Variants in STIMATE observed in about 807,000 individuals in gnomAD.
STIMATE encodes the protein STIM activating enhancer.
A neutral mutation model predicts 36.7 loss-of-function variants in STIMATE; 15 were observed. The observed-to-expected ratio is 0.41, with a 90% CI of 0.27 to 0.63. The LOEUF (loss-of-function observed/expected upper bound fraction) is 0.63, where lower values mean the gene tolerates loss of function less well. Ranked by LOEUF, STIMATE falls within the 20% of genes least tolerant of loss-of-function variation. STIMATE has a pLI of 0.32. For missense variants in STIMATE, 305 were observed against 397.3 expected (o/e 0.77, Z 1.98); for synonymous variants, 163 against 162.3 (o/e 1.00, Z -0.03).
At chr3:52,889,178 C>T (rs1051518093) in intron 1 of STIMATE, among the ~76,000 whole-genome samples, 7 of 152,160 alleles carry the variant, frequency 4.6e-5, no homozygotes, top group African/African-American at 9.7e-5. Context: ...AAGGCGACTT[C>T]GATGCATGAC....
intron 1 of STIMATE, among the ~76,000 whole-genome samples, chr3:52,895,725 T>C (rs73839529): frequency 0.028 from 4,320 of 152,228 alleles, 228 homozygotes; most frequent in African/African-American, 0.099. Context: ...AGCCGGGCCA[T>C]CAGCATCAAT....
At chr3:52,889,092 C>A (rs1009552905) in intron 1 of STIMATE, among the ~76,000 whole-genome samples, 1 of 152,130 alleles carries the variant, frequency 6.6e-6, no homozygotes, top group Non-Finnish European at 1.5e-5. Context: ...GCACACTAAA[C>A]AAGATGCGGC....
chr3:52,871,078 G>A (rs1047069415), intron 1 of STIMATE, among the ~76,000 whole-genome samples: 1 of 152,072 alleles, frequency 6.6e-6, no homozygotes, highest in African/African-American at 2.4e-5. Context: ...TGCATTAGGA[G>A]GCAATTCAAT....
In STIMATE at chr3:52,859,775, C is replaced by T. The variant is rs377115442; in HGVS notation, c.161-4331G>A. The stretch of plus-strand genomic sequence containing the variant: ...CACATTGCTTTTATTTCAGAATTTA[C>T]GAAAGAAAAGACAAACCTATCTCAG... On this transcript the variant is annotated intron_variant, in intron 1 of 7. Transcript: ENST00000355083. Among the ~76,000 whole-genome samples, 52 of 151,590 alleles carry T rather than the reference C, an allele frequency of 3.4e-4. No individual in the cohort carries two copies. In the South Asian group the frequency reaches 9.6e-3, roughly 28 times the overall value.
chr3:52,849,892 C>T lies in STIMATE; in HGVS notation c.327G>A (p.Leu109=), dbSNP rs892165303. Residue 109 remains leucine, a synonymous_variant, in exon 4 of 8, where the codon CTG becomes CTA. Transcript: ENST00000355083. ...PCSLYLINFL[L]DATVGMLLIY... ...TGAGCAGCATGCCCACAGTGGCGTCCAGGAGGAAGTTGATGAGGTACCTGT... is the reference window on the plus strand; with the variant it reads ...TGAGCAGCATGCCCACAGTGGCGTCTAGGAGGAAGTTGATGAGGTACCTGT... 6.2e-7 allele frequency: 1 copy of T among 1,613,562 alleles called. No individual in the cohort carries two copies. Among genetic ancestry groups the T allele is most frequent in the African/African-American group, 1.3e-5 (1 of 74,922 alleles).
In STIMATE at chr3:52,840,556, G is replaced by A. The variant is rs375691230; in HGVS notation, c.823C>T (p.Arg275Cys). The A allele has an allele frequency of 9.3e-6, 15 of 1,613,974 alleles. No individual in the cohort carries two copies. The Admixed American group carries it at 1.2e-4, about 13-fold the overall frequency. The change falls in exon 8 of 8, where the codon CGC (arginine) becomes TGC (cysteine). Residue 275 changes from arginine (R) to cysteine (C), a missense_variant. This residue lies in a region of STIMATE where 84 missense variants were observed against 82.4 expected (regional missense o/e 1.02). Coordinates refer to ENST00000355083, the MANE Select transcript of STIMATE (RefSeq NM_198563.5). ...MEESDVEEDL[R>C]RLTPLKPVKK... Reference sequence around the variant, plus strand: ...ACAGGCTTGAGGGGGGTCAGTCTGCGGAGGTCCTCCTCCACGTCGGACTCC... The same window carrying A: ...ACAGGCTTGAGGGGGGTCAGTCTGCAGAGGTCCTCCTCCACGTCGGACTCC...
chr3:52,852,079 G>A (rs1432073195), intron 3 of STIMATE, among the ~76,000 whole-genome samples: 2 of 152,206 alleles, frequency 1.3e-5, no homozygotes, highest in Non-Finnish European at 2.9e-5. Context: ...CACTATGTGG[G>A]TGCCATCAGC....
At chr3:52,875,155 T>C (rs1187809252) in intron 1 of STIMATE, among the ~76,000 whole-genome samples, 1 of 152,236 alleles carries the variant, frequency 6.6e-6, no homozygotes, top group Non-Finnish European at 1.5e-5. Context: ...AAATGTTCAT[T>C]GTGTATGTTT....
At position 52,844,894 on chromosome 3, in the gene STIMATE, T is replaced by C. The variant is rs1479568611; in HGVS notation, c.475A>G (p.Ile159Val). Residue 159 changes from isoleucine (I) to valine (V), a missense_variant, in exon 5 of 8, where the codon ATC becomes GTC. Ile to Val is a conservative substitution (Grantham distance 29). This residue lies in a region of STIMATE where 164 missense variants were observed against 257.9 expected (regional missense o/e 0.64). Transcript: ENST00000355083. ...GAWVGQCALY[I>V]VIMIFEKSVV... ...GACTTTTCAAAAATCATGATCACGA[T>C]GTAAAGAGCGCACTGCCCGACCCAG... The C allele has an allele frequency of 3.1e-6, 5 of 1,614,058 alleles. No homozygotes were observed. The highest frequency in any genetic ancestry group is 4.5e-5 in the East Asian group (2 of 44,872).
At position 52,883,470 on chromosome 3, in the gene STIMATE, C is replaced by T. The variant is rs183068232; in HGVS notation, c.160+13821G>A. 2.0e-5 allele frequency among the ~76,000 whole-genome samples: 3 copies of T among 152,282 alleles called. No individual in the cohort carries two copies. The East Asian group carries it at 5.8e-4, about 29-fold the overall frequency. On this transcript the variant is annotated intron_variant, in intron 1 of 7. Coordinates refer to ENST00000355083, the MANE Select transcript of STIMATE (RefSeq NM_198563.5). Reference sequence around the variant, plus strand: ...CTGGGGTTCATCAAGCTTCTTAGATCTATGAGTTTATAATTTTCATCAACT... The same window carrying T: ...CTGGGGTTCATCAAGCTTCTTAGATTTATGAGTTTATAATTTTCATCAACT...
At chr3:52,844,410 G>A (rs1031844974) in intron 5 of STIMATE, among the ~76,000 whole-genome samples, 19 of 152,342 alleles carry the variant, frequency 1.2e-4, no homozygotes, top group African/African-American at 4.6e-4. Context: ...GGGAGCCCGT[G>A]GGCTGGCCAG....
In STIMATE at chr3:52,889,640, G is replaced by A. The variant is rs1259345086; in HGVS notation, c.160+7651C>T. ...GGACTAAATGCCCAAGCCTGGGTGA[G>A]CACGGCACGTCTGTCCACATCACTG... On this transcript the variant is annotated intron_variant, in intron 1 of 7. Transcript: ENST00000355083. Among the ~76,000 whole-genome samples the A allele has an allele frequency of 2.0e-5, 3 of 152,156 alleles. No individual in the cohort carries two copies. In the East Asian group the frequency reaches 5.8e-4, roughly 29 times the overall value.
intron 5 of STIMATE, 75 bp downstream of exon 5, chr3:52,844,754 C>T (rs572150049): frequency 3.9e-6 from 6 of 1,544,300 alleles, no homozygotes; most frequent in Middle Eastern, 1.7e-4. Flanking sequence ...CTAGAGTTGG[C>T]GTATGTGGGT....
chr3:52,888,470 C>A (rs1701729382), intron 1 of STIMATE, among the ~76,000 whole-genome samples: 1 of 152,236 alleles, frequency 6.6e-6, no homozygotes, highest in African/African-American at 2.4e-5. Context: ...CTCTAATGAT[C>A]CGATGGTGCA....
chr3:52,860,861 T>C (rs935509239), intron 1 of STIMATE, among the ~76,000 whole-genome samples: 1 of 152,028 alleles, frequency 6.6e-6, no homozygotes, highest in Non-Finnish European at 1.5e-5. Flanking sequence ...GGGGTACTTA[T>C]CTCCAGGCAA....
At chr3:52,852,317 G>A (rs926088627) in intron 3 of STIMATE, among the ~76,000 whole-genome samples, 1 of 152,202 alleles carries the variant, frequency 6.6e-6, no homozygotes, top group Non-Finnish European at 1.5e-5. Flanking sequence ...TGGAAACTGG[G>A]AGACATAAGG....
At chr3:52,844,987 G>C (rs1043208611) in intron 4 of STIMATE, 46 bp from the exon 5 acceptor site, 7 of 1,597,384 alleles carry the variant, frequency 4.4e-6, no homozygotes, top group African/African-American at 1.3e-5. Context: ...CCAGGCATCT[G>C]AGTGAGATGA....
chr3:52,874,094 A>C (rs1421934555), intron 1 of STIMATE, among the ~76,000 whole-genome samples: 1 of 152,234 alleles, frequency 6.6e-6, no homozygotes. Context: ...AAATGCCCAC[A>C]AGTCTGTGTA....
At chr3:52,867,956 C>A (rs1287711662) in intron 1 of STIMATE, among the ~76,000 whole-genome samples, 3 of 152,176 alleles carry the variant, frequency 2.0e-5, no homozygotes, top group Non-Finnish European at 4.4e-5. Flanking sequence ...CTATGGAGCC[C>A]AGGCCCCCTC....
Sources: gnomAD v4.1 joint callset for allele counts (sites outside exome capture counted in the v4.1 genomes callset) on GRCh38, gnomAD v4.1.1 for gene constraint, gnomAD v4.1.1 regional missense constraint, MANE v1.5 for transcripts, NCBI Gene and HGNC (gene_info 2026-07-23, HGNC 2026-07-21) for gene names.